The following DNM3 variants were observed in gnomAD, a reference collection of about 807,000 sequenced individuals.
The protein encoded by DNM3 is dynamin-3.
A neutral mutation model predicts 101.6 loss-of-function variants in DNM3; 47 were observed. That is an observed-to-expected ratio of 0.46 (90% CI 0.37 to 0.59). The LOEUF is 0.59. Ranked by LOEUF, DNM3 falls within the 20% of genes least tolerant of loss-of-function variation. The pLI, the probability that DNM3 is intolerant of heterozygous loss-of-function variation, is 0.00. For missense variants in DNM3, 849 were observed against 1,085.7 expected, an observed-to-expected ratio of 0.78 and a Z score of 3.06; for synonymous variants, 385 against 387.9, an observed-to-expected ratio of 0.99 and a Z score of 0.09.
chr1:171,988,896 C>G, intron 3 of DNM3, 49 bp from the exon 4 acceptor site: 4 of 1,474,854 alleles, frequency 2.7e-6, no homozygotes, highest in Non-Finnish European at 3.7e-6. Flanking sequence ...GTATTGTTAT[C>G]TTTTAGCATT....
At chr1:172,192,127 G>C (rs2059750084) in intron 14 of DNM3, among the ~76,000 whole-genome samples, 2 of 151,972 alleles carry the variant, frequency 1.3e-5, no homozygotes, top group Admixed American at 1.3e-4. Flanking sequence ...TATTGGCTGT[G>C]GGTTTGTCAT....
intron 4 of DNM3, among the ~76,000 whole-genome samples, chr1:172,016,583 G>A (rs1490401760): frequency 2.0e-5 from 3 of 152,102 alleles, no homozygotes. Flanking sequence ...GTCTTTATAT[G>A]GTTTTGGTAT....
chr1:172,051,073 C>A (rs893065849), intron 10 of DNM3, among the ~76,000 whole-genome samples: 1 of 152,116 alleles, frequency 6.6e-6, no homozygotes, highest in African/African-American at 2.4e-5. Context: ...TTATAGTTTG[C>A]CTTAGTTAAA....
intron 1 of DNM3, among the ~76,000 whole-genome samples, chr1:171,848,662 T>C (rs2032525337): frequency 1.3e-5 from 2 of 152,208 alleles, no homozygotes; most frequent in African/African-American, 4.8e-5. Flanking sequence ...GTGTAGCAAA[T>C]CTGCATCCTT....
intron 1 of DNM3, among the ~76,000 whole-genome samples, chr1:171,874,646 AG>A (rs2035589787): frequency 6.6e-6 from 1 of 152,126 alleles, no homozygotes; most frequent in South Asian, 2.1e-4. Context: ...GTACTTATTC[AG>A]CCACCTTAAA....
chr1:171,844,926 G>A (rs2031831893), intron 1 of DNM3, among the ~76,000 whole-genome samples: 1 of 152,122 alleles, frequency 6.6e-6, no homozygotes, highest in Non-Finnish European at 1.5e-5. Context: ...AACATTTATA[G>A]AGTGCCTGTT....
chr1:171,980,151 CTTT>C (rs35057661), intron 2 of DNM3, among the ~76,000 whole-genome samples: 1 of 138,344 alleles, frequency 7.2e-6, no homozygotes, highest in Non-Finnish European at 1.5e-5. Flanking sequence ...TTTAGATTTC[CTTT>C]TTTTTTTTTT....
chr1:172,354,237 A>G (rs2067338367), intron 17 of DNM3, among the ~76,000 whole-genome samples: 1 of 152,138 alleles, frequency 6.6e-6, no homozygotes, highest in Non-Finnish European at 1.5e-5. Context: ...TTGTCTCTTG[A>G]CCAGGAAGAG....
In DNM3 at chr1:172,180,387, T is replaced by C. The variant is rs572170015; in HGVS notation, c.1659+49099T>C. 4.6e-5 allele frequency among the ~76,000 whole-genome samples: 7 copies of C among 152,220 alleles called. No individual in the cohort carries two copies. In the East Asian group the frequency reaches 1.4e-3, roughly 30 times the overall value. ...CACCTCATTTTACTCACAAGGAAAC[T>C]AAAGCCAAAGAACAGTGTGTGATTT... is the stretch of plus-strand genomic sequence containing the variant. On this transcript the variant is annotated intron_variant, in intron 14 of 20. Transcript: ENST00000627582.
At chr1:172,412,779 A>ACTT (rs1303695909), downstream of DNM3, 4 of 966,502 alleles carry the variant, frequency 4.1e-6, no homozygotes, top group South Asian at 4.8e-5. Context: ...AATACCTGAG[A>ACTT]CTTCTAAATA....
chr1:172,213,680 T>C, intron 14 of DNM3, among the ~76,000 whole-genome samples: 1 of 151,460 alleles, frequency 6.6e-6, no homozygotes, highest in South Asian at 2.1e-4. Context: ...AAGCAAAAAA[T>C]TAGCGAGGCA....
intron 1 of DNM3, among the ~76,000 whole-genome samples, chr1:171,883,176 CTT>C (rs924748842): frequency 6.6e-6 from 1 of 151,336 alleles, no homozygotes; most frequent in African/African-American, 2.4e-5. Flanking sequence ...TAAATACTCT[CTT>C]ATCATTGGAT....
intron 17 of DNM3, among the ~76,000 whole-genome samples, chr1:172,339,592 C>G (rs1558016331): frequency 6.6e-6 from 1 of 152,166 alleles, no homozygotes; most frequent in Non-Finnish European, 1.5e-5. Context: ...TCCGAATCTT[C>G]CCCCAGCTTG....
At chr1:172,108,304 T>G (rs972180751) in intron 13 of DNM3, among the ~76,000 whole-genome samples, 1 of 152,058 alleles carries the variant, frequency 6.6e-6, no homozygotes, top group Non-Finnish European at 1.5e-5. Flanking sequence ...TTTTCTTTTT[T>G]CCCTCAGACA....
rs138312580 is a variant in DNM3, at chr1:172,009,552, A to G, written c.589+20404A>G. Reference sequence around the variant, plus strand: ...TAATAATTGGTTCCTCATTCACACTACCATATGTCAAGTGTTCAATAGCCA... The same window carrying G: ...TAATAATTGGTTCCTCATTCACACTGCCATATGTCAAGTGTTCAATAGCCA... On this transcript the variant is annotated intron_variant, in intron 4 of 20. Coordinates refer to ENST00000627582, the MANE Select transcript of DNM3 (RefSeq NM_015569.5). Among the ~76,000 whole-genome samples, 337 of 151,834 alleles carry G rather than the reference A, an allele frequency of 2.2e-3. 1 individual carries two copies. The highest frequency in any genetic ancestry group is 4.0e-3 in the Admixed American group (61 of 15,216).
chr1:171,926,904 G>A (rs2040615027), intron 2 of DNM3, among the ~76,000 whole-genome samples: 1 of 152,104 alleles, frequency 6.6e-6, no homozygotes, highest in South Asian at 2.1e-4. Flanking sequence ...TCCTCAACCT[G>A]GTAAAGGGCT....
At chr1:172,070,016 G>T (rs1007407824) in intron 11 of DNM3, among the ~76,000 whole-genome samples, 185 of 152,200 alleles carry the variant, frequency 1.2e-3, no homozygotes, top group African/African-American at 4.1e-3. Flanking sequence ...AGGACAGAGG[G>T]ATGGAGACCC....
At chr1:172,308,465 A>T (rs1355598357) in intron 15 of DNM3, among the ~76,000 whole-genome samples, 1 of 152,224 alleles carries the variant, frequency 6.6e-6, no homozygotes, top group Non-Finnish European at 1.5e-5. Flanking sequence ...ATAATATTGA[A>T]TACATTTGTA....
At position 172,409,567 on chromosome 1, in the gene DNM3, G is replaced by A. The variant is rs759279209; in HGVS notation, c.*1726G>A. On this transcript the variant is annotated 3_prime_UTR_variant, in exon 21 of 21. Transcript: ENST00000627582. ...AAACATCACAATCCTAAATCCTCTCGTATCTCACCCCAAACCCCAAACTGG... is the reference window on the plus strand; with the variant it reads ...AAACATCACAATCCTAAATCCTCTCATATCTCACCCCAAACCCCAAACTGG... 3.6e-5 allele frequency: 35 copies of A among 985,120 alleles called. No homozygotes were observed. Among genetic ancestry groups the A allele is most frequent in the African/African-American group, 1.0e-4 (6 of 57,264 alleles). 61.0% of individuals were successfully genotyped at this position (985,120 alleles called of 1,614,324 possible).
Sources: allele counts gnomAD v4.1 joint callset (sites outside exome capture counted in the v4.1 genomes callset), GRCh38; gene constraint gnomAD v4.1.1; transcripts MANE v1.5; gene names NCBI Gene and HGNC (gene_info 2026-07-23, HGNC 2026-07-21).